The following COA6 variants were observed in gnomAD, a reference collection of about 807,000 sequenced individuals.
COA6 encodes the protein cytochrome c oxidase assembly factor 6.
A neutral mutation model predicts 17.1 loss-of-function variants in COA6; 12 were observed. The observed-to-expected ratio is 0.70, with a 90% CI of 0.45 to 1.14. The LOEUF is 1.14. Ranked by LOEUF, COA6 falls within the 50% of genes most tolerant of loss-of-function variation. COA6 has a pLI of 0.00. For missense variants in COA6, 246 were observed against 196.5 expected, an observed-to-expected ratio of 1.25 and a Z score of -1.51; for synonymous variants, 90 against 73.4, an observed-to-expected ratio of 1.23 and a Z score of -1.16.
intron 2 of COA6, among the ~76,000 whole-genome samples, chr1:234,377,095 A>T (rs1331646135): frequency 1.9e-5 from 1 of 53,804 alleles, no homozygotes; most frequent in Admixed American, 2.3e-4. Context: ...AGAGAGAGAG[A>T]GAGAGATCCA....
At chr1:234,374,523 C>A in intron 2 of COA6, 134 bp downstream of exon 2, 1 of 815,780 alleles carries the variant, frequency 1.2e-6, no homozygotes, top group Non-Finnish European at 1.9e-6. Context: ...GAAAACCTTG[C>A]CTGGTAATTC....
At position 234,383,771 on chromosome 1, in the gene COA6, T is replaced by C. The variant is rs1337715030; in HGVS notation, c.421T>C (p.Phe141Leu). 4 of 1,575,104 alleles carry C rather than the reference T, an allele frequency of 2.5e-6. No homozygotes were observed. The highest frequency in any genetic ancestry group is 2.7e-5 in the African/African-American group (2 of 73,704). Residue 141 changes from phenylalanine to leucine, a missense_variant, in exon 3 of 3, where the codon TTT (phenylalanine) becomes CTT (leucine). Coordinates refer to ENST00000366615, the MANE Select transcript of COA6 (RefSeq NM_001206641.3). ...AGACTACTTAAAATTCAAAGAAAAA[T>C]TTGAAGCAGGACAATTTGAGCCTTC... is the stretch of plus-strand genomic sequence containing the variant. ...RRDYLKFKEK[F>L]EAGQFEPSET... is the part of the protein sequence containing the mutation.
In COA6 at chr1:234,384,295, C is replaced by CACTT. The variant is rs1486504430; in HGVS notation, c.*479_*482dup. ...TAAAAAAGCCCATAGCTAATATCAA[C>CACTT]ACTTAATGTTGGGACAGGAACTGGA... On this transcript the variant is annotated 3_prime_UTR_variant, in exon 3 of 3. Coordinates refer to ENST00000366615, the MANE Select transcript of COA6 (RefSeq NM_001206641.3). 2.6e-5 allele frequency among the ~76,000 whole-genome samples: 4 copies of CACTT among 152,202 alleles called. No homozygotes were observed. The East Asian group carries it at 7.7e-4, about 29-fold the overall frequency.
At chr1:234,374,105 TGTTTTTG>T in intron 1 of COA6, 118 bp from the exon 2 acceptor site, 1 of 1,066,764 alleles carries the variant, frequency 9.4e-7, no homozygotes, top group African/African-American at 2.7e-5. Flanking sequence ...GGTTTTGTTT[TGTTTTTG>T]TTTTTTTTTT....
At position 234,384,018 on chromosome 1, in the gene COA6, A is replaced by C; in HGVS notation, c.*200A>C. On this transcript the variant is annotated 3_prime_UTR_variant, in exon 3 of 3. Coordinates refer to ENST00000366615, the MANE Select transcript of COA6 (RefSeq NM_001206641.3). ...TTTAGTAAGAAATCTCTATTTTAAG[A>C]AAAAAAGTAAAACCTGTTATAAACA... 2.3e-6 allele frequency: 1 copy of C among 430,732 alleles called. No individual in the cohort carries two copies. Among genetic ancestry groups the C allele is most frequent in the Non-Finnish European group, 4.2e-6 (1 of 236,540 alleles). The allele number at this position is 430,732 out of a possible 1,614,324, so 26.7% of individuals were successfully genotyped here. A position where few individuals can be genotyped will look rare whatever the true frequency, so the allele number is the denominator to read the frequency against.
chr1:234,374,301 A>C lies in COA6; in HGVS notation c.284A>C (p.Tyr95Ser), dbSNP rs902634043. 2 of 1,614,026 alleles carry C rather than the reference A, an allele frequency of 1.2e-6. No homozygotes were observed. The highest frequency in any genetic ancestry group is 1.7e-6 in the Non-Finnish European group (2 of 1,179,992). ...RQVCWGARDE[Y>S]WKCLDENLED... ...GTCTGCTGGGGGGCCCGGGATGAGT[A>C]CTGGAAGTGTTTAGATGAGAACTTA... Residue 95 changes from tyrosine (Y) to serine (S), a missense_variant, in exon 2 of 3, where the codon TAC (tyrosine) becomes TCC (serine). Transcript: ENST00000366615.
intron 2 of COA6, among the ~76,000 whole-genome samples, chr1:234,378,840 T>C (rs1403551132): frequency 6.6e-6 from 1 of 151,416 alleles, no homozygotes; most frequent in Non-Finnish European, 1.5e-5. Flanking sequence ...GCCACTGCAC[T>C]CCAGCCTGGG....
chr1:234,376,078 A>G (rs1236476294), intron 2 of COA6, among the ~76,000 whole-genome samples: 1 of 152,074 alleles, frequency 6.6e-6, no homozygotes, highest in Non-Finnish European at 1.5e-5. Context: ...TCAATGTGGG[A>G]CTCTATGATT....
intron 2 of COA6, among the ~76,000 whole-genome samples, chr1:234,375,356 G>A (rs750009884): frequency 7.2e-5 from 11 of 152,148 alleles, no homozygotes; most frequent in Non-Finnish European, 1.2e-4. Context: ...GAAGTAACTC[G>A]CTTGTTATTA....
rs990740765 is a variant in COA6, at chr1:234,384,424, G to A, written c.*606G>A. ...TATAATAAATACTATCTTATAGAAT[G>A]TACCAATGGATGCACAAAAAGAGCT... is the stretch of plus-strand genomic sequence containing the variant. On this transcript the variant is annotated 3_prime_UTR_variant, in exon 3 of 3. Coordinates refer to ENST00000366615, the MANE Select transcript of COA6 (RefSeq NM_001206641.3). Among the ~76,000 whole-genome samples the A allele has an allele frequency of 3.9e-5, 6 of 152,088 alleles. No homozygotes were observed. Among genetic ancestry groups the A allele is most frequent in the Non-Finnish European group, 2.9e-5 (2 of 68,008 alleles).
intron 2 of COA6, among the ~76,000 whole-genome samples, chr1:234,380,669 C>T (rs537145326): frequency 6.6e-6 from 1 of 152,330 alleles, no homozygotes; most frequent in African/African-American, 2.4e-5. Context: ...AGTTCTCTCT[C>T]GTACTCACAT....
intron 2 of COA6, among the ~76,000 whole-genome samples, chr1:234,376,689 G>C (rs910123055): frequency 2.6e-5 from 4 of 152,184 alleles, no homozygotes; most frequent in Admixed American, 6.5e-5. Context: ...TATCATTCAG[G>C]TCTACTTGAA....
chr1:234,377,642 A>G (rs1658848011), intron 2 of COA6, among the ~76,000 whole-genome samples: 1 of 152,194 alleles, frequency 6.6e-6, no homozygotes, highest in African/African-American at 2.4e-5. Flanking sequence ...GCTGCTGTCC[A>G]GCTTCACTCT....
chr1:234,374,475 C>T (rs942214844), intron 2 of COA6, 86 bp downstream of exon 2: 10 of 1,350,510 alleles, frequency 7.4e-6, no homozygotes, highest in Non-Finnish European at 9.3e-6. Context: ...GAAGCGCTCT[C>T]TGAGGCATGT....
intron 2 of COA6, among the ~76,000 whole-genome samples, chr1:234,376,504 TAGCGGTTTTATAGGTA>T (rs1252242967): frequency 6.6e-6 from 1 of 152,186 alleles, no homozygotes; most frequent in Non-Finnish European, 1.5e-5. Flanking sequence ...GGAACTCTCT[TAGCGGTTTTATAGGTA>T]AGGGCACATT....
rs1023597791 is a variant in COA6, at chr1:234,384,785, T to G, written c.*967T>G. On this transcript the variant is annotated 3_prime_UTR_variant, in exon 3 of 3. Coordinates refer to ENST00000366615, the MANE Select transcript of COA6 (RefSeq NM_001206641.3). ...AAAACGAGTAAAAATAATAAAAATT[T>G]AAAAATCCAGTATAACACCTATTTA... Among the ~76,000 whole-genome samples, 1 of 152,180 alleles carries G rather than the reference T, an allele frequency of 6.6e-6. No homozygotes were observed. The highest frequency in any genetic ancestry group is 6.5e-5 in the Admixed American group (1 of 15,268).
intron 2 of COA6, among the ~76,000 whole-genome samples, chr1:234,377,231 G>A (rs866744581): frequency 4.0e-5 from 6 of 151,574 alleles, no homozygotes; most frequent in South Asian, 2.1e-4. Context: ...GGTTCAAGCA[G>A]TTCTCCTGCC....
intron 2 of COA6, among the ~76,000 whole-genome samples, chr1:234,375,642 A>G (rs760599073): frequency 2.0e-5 from 3 of 152,056 alleles, no homozygotes; most frequent in Non-Finnish European, 2.9e-5. Context: ...GTGAACAGAA[A>G]TTACTTTATT....
At chr1:234,377,065 A>ACCC (rs1422050900) in intron 2 of COA6, among the ~76,000 whole-genome samples, 27 of 92,144 alleles carry the variant, frequency 2.9e-4, no homozygotes, top group Admixed American at 6.4e-4. Context: ...TTGCCGAGAG[A>ACCC]GAGAGAGAGA....
Sources: gnomAD v4.1 joint callset for allele counts (sites outside exome capture counted in the v4.1 genomes callset) on GRCh38, gnomAD v4.1.1 for gene constraint, MANE v1.5 for transcripts, NCBI Gene and HGNC (gene_info 2026-07-23, HGNC 2026-07-21) for gene names.